The following ZNF638 variants were observed in gnomAD, a reference collection of about 807,000 sequenced individuals.
ZNF638 encodes the protein CTCL tumor antigen se33-1.
ZNF638 carries 46 observed loss-of-function variants against 195.6 expected under a neutral mutation model. The ratio of observed to expected loss-of-function variants is 0.24; its 90% CI spans 0.19 to 0.30. The LOEUF (loss-of-function observed/expected upper bound fraction) is 0.30. Among genes scored for constraint, ZNF638 ranks in the 10% least tolerant of loss-of-function variants. The pLI is 1.00. For synonymous variants in ZNF638, 845 were observed against 772.0 expected (o/e 1.09, Z -1.57); for missense variants, 2,440 against 2,325.3 (o/e 1.05, Z -1.01).
intron 18 of ZNF638, 113 bp from the exon 19 acceptor site, chr2:71,406,015 C>A: frequency 2.3e-6 from 3 of 1,276,708 alleles, no homozygotes; most frequent in Non-Finnish European, 3.3e-6. Context: ...CATTTTCTTA[C>A]TCTTGGGAGA....
Position 71,423,239 on chromosome 2 carries a change from A to C in ZNF638, c.3725A>C (p.Glu1242Ala), listed in dbSNP as rs771498265. Reference sequence around the variant, plus strand: ...AGGAACCTCAAAGGAATTCTAGAAGAATCTCCATCTGAAGCAGAAGATTTC... The same window carrying C: ...AGGAACCTCAAAGGAATTCTAGAAGCATCTCCATCTGAAGCAGAAGATTTC... ...EERNLKGILEESPSEAEDFIS... is the reference protein window; with the variant it reads ...EERNLKGILEASPSEAEDFIS... The change falls in exon 22 of 28, where the codon GAA becomes GCA. Residue 1242 changes from glutamate (E) to alanine (A), a missense_variant. Transcript: ENST00000264447. 6.2e-7 allele frequency: 1 copy of C among 1,614,154 alleles called. No homozygotes were observed. The highest frequency in any genetic ancestry group is 1.1e-5 in the South Asian group (1 of 91,076).
chr2:71,403,947 A>G lies in ZNF638; in HGVS notation c.2907A>G (p.Gly969=), dbSNP rs192488900. The G allele has an allele frequency of 1.2e-6, 2 of 1,612,496 alleles. No homozygotes were observed. The highest frequency in any genetic ancestry group is 2.7e-5 in the African/African-American group (2 of 75,002). ...CCTGCTTCCCAGTATTGATGGATGG[A>G]AATCAACTCTCAATAAGTATGGCTC... ...FYTCFPVLMD[G]NQLSISMAPE... The change falls in exon 17 of 28, where the codon GGA becomes GGG. Residue 969 remains glycine, a synonymous_variant. Transcript: ENST00000264447.
At chr2:71,417,639 G>T (rs2080328004) in intron 20 of ZNF638, among the ~76,000 whole-genome samples, 1 of 150,332 alleles carries the variant, frequency 6.7e-6, no homozygotes, top group South Asian at 2.1e-4. Context: ...CTGATGTAGA[G>T]TTCCTCTGAT....
In ZNF638 at chr2:71,423,553, G is replaced by A. The variant is rs1475801862; in HGVS notation, c.4039G>A (p.Ala1347Thr). The change falls in exon 22 of 28, where the codon GCA (alanine) becomes ACA (threonine). Residue 1347 changes from alanine (A) to threonine (T), a missense_variant. Ala to Thr is a moderately conservative substitution (Grantham distance 58). Coordinates refer to ENST00000264447, the MANE Select transcript of ZNF638 (RefSeq NM_014497.5). The part of the protein sequence containing the change: ...RMDAEKVEKM[A>T]AMKEKPAENT... ...GGATGCAGAAAAGGTGGAAAAGATG[G>A]CAGCAATGAAAGAAAAGCCTGCAGA... 7 of 1,614,026 alleles carry A rather than the reference G, an allele frequency of 4.3e-6. No individual in the cohort carries two copies. The highest frequency in any genetic ancestry group is 1.1e-5 in the South Asian group (1 of 91,084).
intron 1 of ZNF638, among the ~76,000 whole-genome samples, chr2:71,346,264 A>G (rs2078849208): frequency 6.6e-6 from 1 of 152,240 alleles, no homozygotes; most frequent in Non-Finnish European, 1.5e-5. Context: ...AACTGCTTAC[A>G]TAAGCAATGC....
intron 2 of ZNF638, among the ~76,000 whole-genome samples, chr2:71,352,495 T>TAAAAAAAAAAA (rs58110916): frequency 1.5e-5 from 2 of 134,630 alleles, no homozygotes; most frequent in Non-Finnish European, 1.6e-5. Context: ...ATAAAAAAAA[T>TAAAAAAAAAAA]AAAAAAAAAA....
At chr2:71,395,916 A>T in intron 10 of ZNF638, 1 of 577,090 alleles carries the variant, frequency 1.7e-6, no homozygotes, top group East Asian at 2.9e-5. Flanking sequence ...GCCTTTCTGA[A>T]GGTCAGTCTA....
chr2:71,417,535 A>T (rs1399456400), intron 20 of ZNF638, among the ~76,000 whole-genome samples: 1 of 137,196 alleles, frequency 7.3e-6, no homozygotes, highest in Non-Finnish European at 1.6e-5. Flanking sequence ...GTTGTCTGAA[A>T]TATCTTTTCT....
chr2:71,423,494 G>C lies in ZNF638; in HGVS notation c.3980G>C (p.Gly1327Ala), dbSNP rs758239744. Residue 1327 changes from glycine to alanine, a missense_variant, in exon 22 of 28, where the codon GGA becomes GCA. Coordinates refer to ENST00000264447, the MANE Select transcript of ZNF638 (RefSeq NM_014497.5). ...GAAACCAGAATGGATCTTCAAATAGGAACAGAGAAGGCTGAAAAGAATGAA... is the reference window on the plus strand; with the variant it reads ...GAAACCAGAATGGATCTTCAAATAGCAACAGAGAAGGCTGAAAAGAATGAA... ...TKETRMDLQI[G>A]TEKAEKNEGR... The C allele has an allele frequency of 5.6e-6, 9 of 1,613,766 alleles. No individual in the cohort carries two copies. Among genetic ancestry groups the C allele is most frequent in the Non-Finnish European group, 7.6e-6 (9 of 1,179,968 alleles).
At position 71,396,176 on chromosome 2, in the gene ZNF638, G is replaced by A. The variant is rs772216800; in HGVS notation, c.2413G>A (p.Val805Ile). The part of the protein sequence containing the change: ...TGQAKASVAK[V>I]NKSTGKSASS... ...ACAAGCCAAGGCATCTGTAGCCAAAGTAAACAAATCTACAGGTATGTTTTT... is the reference window on the plus strand; with the variant it reads ...ACAAGCCAAGGCATCTGTAGCCAAAATAAACAAATCTACAGGTATGTTTTT... Residue 805 changes from valine to isoleucine, a missense_variant, in exon 11 of 28, where the codon GTA becomes ATA. By Grantham distance (29) the Val-to-Ile change is conservative (BLOSUM62 3). Coordinates refer to ENST00000264447, the MANE Select transcript of ZNF638 (RefSeq NM_014497.5). 4 of 1,612,952 alleles carry A rather than the reference G, an allele frequency of 2.5e-6. No individual in the cohort carries two copies. The highest frequency in any genetic ancestry group is 3.4e-6 in the Non-Finnish European group (4 of 1,179,684).
chr2:71,408,327 CTG>C, intron 20 of ZNF638, 80 bp downstream of exon 20: 1 of 1,474,802 alleles, frequency 6.8e-7, no homozygotes, highest in South Asian at 1.4e-5. Flanking sequence ...AGTAGTCAAA[CTG>C]TTTCTGTGTT....
chr2:71,381,770 A>G lies in ZNF638; in HGVS notation c.2377+1205A>G, dbSNP rs560383633. Among the ~76,000 whole-genome samples, 6 of 152,138 alleles carry G rather than the reference A, an allele frequency of 3.9e-5. No individual in the cohort carries two copies. The East Asian group carries it at 9.6e-4, about 24-fold the overall frequency. ...ATGAAATCCTTCAGGAAAGAAACCTATTTAGCTTTGTTTAGTCCACTGTTT... is the reference window on the plus strand; with the variant it reads ...ATGAAATCCTTCAGGAAAGAAACCTGTTTAGCTTTGTTTAGTCCACTGTTT... On this transcript the variant is annotated intron_variant, in intron 10 of 27. Transcript: ENST00000264447.
chr2:71,375,099 C>G (rs766378173), intron 8 of ZNF638: 1 of 151,878 alleles, frequency 6.6e-6, no homozygotes, highest in Non-Finnish European at 1.5e-5. Flanking sequence ...CATATGTTTT[C>G]TAGTTAGTTA....
chr2:71,397,713 C>T (rs994436202), intron 11 of ZNF638, among the ~76,000 whole-genome samples: 2 of 152,112 alleles, frequency 1.3e-5, no homozygotes, highest in African/African-American at 2.4e-5. Flanking sequence ...ATCCTAATTT[C>T]GAAGTTAAAT....
intron 10 of ZNF638, 158 bp from the exon 11 acceptor site, chr2:71,395,983 A>G: frequency 1.5e-6 from 1 of 667,156 alleles, no homozygotes; most frequent in Non-Finnish European, 2.6e-6. Flanking sequence ...GTCCATATCT[A>G]AGAATTTGCC....
intron 10 of ZNF638, chr2:71,393,667 A>T: frequency 5.6e-6 from 4 of 715,812 alleles, no homozygotes; most frequent in Non-Finnish European, 1.0e-5. Context: ...CTCACGTAGG[A>T]TCCTTTTTAT....
Position 71,364,262 on chromosome 2 carries a change from T to A in ZNF638, c.1717+10T>A, listed in dbSNP as rs2079158093. On this transcript the variant is annotated intron_variant, in intron 5 of 27. Coordinates refer to ENST00000264447, the MANE Select transcript of ZNF638 (RefSeq NM_014497.5). ...TCAGTGAGATCATCAGGTACACTGATGGCCATGAAATAGTGAATGTACTTA... is the reference window on the plus strand; with the variant it reads ...TCAGTGAGATCATCAGGTACACTGAAGGCCATGAAATAGTGAATGTACTTA... 1 of 1,603,168 alleles carries A rather than the reference T, an allele frequency of 6.2e-7. No individual in the cohort carries two copies. The highest frequency in any genetic ancestry group is 8.5e-7 in the Non-Finnish European group (1 of 1,174,288).
At chr2:71,399,035 C>T (rs1045900424) in intron 12 of ZNF638, among the ~76,000 whole-genome samples, 4 of 152,114 alleles carry the variant, frequency 2.6e-5, no homozygotes, top group Admixed American at 1.3e-4. Flanking sequence ...TCGTTTCCCT[C>T]CATAAATGGT....
At position 71,362,651 on chromosome 2, in the gene ZNF638, T is replaced by G. The variant is rs370248618; in HGVS notation, c.1380-502T>G. Among the ~76,000 whole-genome samples the G allele has an allele frequency of 3.3e-5, 5 of 152,230 alleles. No homozygotes were observed. The South Asian group carries it at 8.3e-4, about 25-fold the overall frequency. On this transcript the variant is annotated intron_variant, in intron 3 of 27. Transcript: ENST00000264447. ...TATTGCCACTGCATGAAATCTAACC[T>G]GATCCATTCCTATTAATAGATCTTT...
Sources: gnomAD v4.1 joint callset for allele counts (sites outside exome capture counted in the v4.1 genomes callset) on GRCh38, gnomAD v4.1.1 for gene constraint, MANE v1.5 for transcripts, NCBI Gene and HGNC (gene_info 2026-07-23, HGNC 2026-07-21) for gene names.